The following SH3RF3 variants were observed in gnomAD, a reference collection of about 807,000 sequenced individuals.
SH3RF3 encodes E3 ubiquitin-protein ligase SH3RF3.
In SH3RF3, 29 loss-of-function variants were observed where a neutral mutation model predicts 66.3. The ratio of observed to expected loss-of-function variants is 0.44; its 90% CI spans 0.33 to 0.60. The LOEUF (loss-of-function observed/expected upper bound fraction) is 0.60, where lower values mean the gene tolerates loss of function less well. Among genes scored for constraint, SH3RF3 ranks in the 20% least tolerant of loss-of-function variants. The probability of loss-of-function intolerance (pLI) is 0.04; values close to 1 mark genes in which losing one functional copy is unlikely to be tolerated. For missense variants in SH3RF3, 1,194 were observed against 1,190.9 expected (o/e 1.00, Z -0.04); for synonymous variants, 583 against 532.0 (o/e 1.10, Z -1.32).
rs537470173 is a variant in SH3RF3, at chr2:109,209,264, C to G, written c.573+79151C>G. On this transcript the variant is annotated intron_variant, in intron 1 of 9. Coordinates refer to ENST00000309415, the MANE Select transcript of SH3RF3 (RefSeq NM_001099289.3). ...AGGAAAACTGAGAGGTCATCACATT[C>G]AGAGATTCCCTTGTGCCAGGTCCTG... 1.1e-4 allele frequency among the ~76,000 whole-genome samples: 16 copies of G among 152,284 alleles called. No individual in the cohort carries two copies. In the East Asian group the frequency reaches 2.7e-3, roughly 26 times the overall value.
At chr2:109,247,978 ATTG>A (rs1679958117) in intron 1 of SH3RF3, among the ~76,000 whole-genome samples, 1 of 152,102 alleles carries the variant, frequency 6.6e-6, no homozygotes, top group Non-Finnish European at 1.5e-5. Flanking sequence ...CTGCATCATA[ATTG>A]TTGTTGTCTC....
intron 1 of SH3RF3, among the ~76,000 whole-genome samples, chr2:109,328,626 C>T (rs977692814): frequency 1.2e-4 from 18 of 152,142 alleles, no homozygotes; most frequent in Non-Finnish European, 2.5e-4. Context: ...ATCCAGGATG[C>T]CTAGGTCATG....
Position 109,129,333 on chromosome 2 carries a change from TCCCCGCCACGCAGGCC to T in SH3RF3, c.-207_-192del, listed in dbSNP as rs1676618754. 11 of 1,306 alleles carry T rather than the reference TCCCCGCCACGCAGGCC, an allele frequency of 8.4e-3. No individual in the cohort carries two copies. In the Non-Finnish European group the frequency reaches 0.2, roughly 24 times the overall value. 0.1% of individuals were successfully genotyped at this position (1,306 alleles called of 1,614,324 possible). On this transcript the variant is annotated 5_prime_UTR_variant, in exon 1 of 10. Transcript: ENST00000309415. ...GGACTGGGCGGGCTCGGCTGGCCGG[TCCCCGCCACGCAGGCC>T]GGTCCCCGCCACGCAGGCCGGTCGG...
intron 1 of SH3RF3, among the ~76,000 whole-genome samples, chr2:109,267,714 C>G (rs1233964262): frequency 6.6e-6 from 1 of 152,212 alleles, no homozygotes; most frequent in Non-Finnish European, 1.5e-5. Flanking sequence ...TTTTACTCTC[C>G]CTTCCCTGTT....
intron 1 of SH3RF3, among the ~76,000 whole-genome samples, chr2:109,262,413 T>C (rs1305342666): frequency 1.3e-5 from 2 of 152,156 alleles, no homozygotes; most frequent in African/African-American, 2.4e-5. Flanking sequence ...AACTCTGCTT[T>C]CGATGCCCTG....
chr2:109,463,538 C>T (rs1678262147), intron 8 of SH3RF3, among the ~76,000 whole-genome samples: 1 of 152,194 alleles, frequency 6.6e-6, no homozygotes, highest in Non-Finnish European at 1.5e-5. Flanking sequence ...AAGGCGTGTC[C>T]TCTGGACCCT....
intron 2 of SH3RF3, among the ~76,000 whole-genome samples, chr2:109,365,384 C>T (rs1285375302): frequency 4.6e-5 from 7 of 152,208 alleles, no homozygotes; most frequent in African/African-American, 9.7e-5. Flanking sequence ...CTGCTTCCCA[C>T]GGAGGCTGCT....
intron 4 of SH3RF3, among the ~76,000 whole-genome samples, chr2:109,418,980 C>G (rs1379256821): frequency 1.2e-4 from 18 of 152,130 alleles, no homozygotes; most frequent in Admixed American, 1.2e-3. Flanking sequence ...CTGATGCTGA[C>G]CGTTCCTCGG....
chr2:109,473,542 G>A (rs1678584450), intron 8 of SH3RF3, among the ~76,000 whole-genome samples: 1 of 152,208 alleles, frequency 6.6e-6, no homozygotes, highest in South Asian at 2.1e-4. Context: ...CGACAGAGAG[G>A]AGAGAGAAAT....
chr2:109,267,036 G>T (rs1680512865), intron 1 of SH3RF3, among the ~76,000 whole-genome samples: 1 of 152,150 alleles, frequency 6.6e-6, no homozygotes, highest in African/African-American at 2.4e-5. Context: ...GACAGAGGTG[G>T]ATAAAAGCAT....
chr2:109,424,416 G>A (rs1222327636), intron 5 of SH3RF3, among the ~76,000 whole-genome samples: 1 of 152,238 alleles, frequency 6.6e-6, no homozygotes, highest in Non-Finnish European at 1.5e-5. Flanking sequence ...TCAGAATGCA[G>A]CAGAAACACA....
chr2:109,492,819 T>C (rs1226684713), intron 9 of SH3RF3, among the ~76,000 whole-genome samples: 2 of 152,048 alleles, frequency 1.3e-5, no homozygotes, highest in Non-Finnish European at 2.9e-5. Context: ...TATCAGCTTG[T>C]GGACATCGTG....
chr2:109,408,432 C>T (rs372523271), intron 4 of SH3RF3, among the ~76,000 whole-genome samples: 1 of 152,214 alleles, frequency 6.6e-6, no homozygotes, highest in Non-Finnish European at 1.5e-5. Context: ...TCTGCCCTCC[C>T]GCTCCAGGCT....
intron 4 of SH3RF3, among the ~76,000 whole-genome samples, chr2:109,416,314 G>C (rs1430508777): frequency 1.3e-5 from 2 of 152,018 alleles, no homozygotes; most frequent in Non-Finnish European, 2.9e-5. Flanking sequence ...ACATGTCCAG[G>C]CTGGGTGCAG....
At chr2:109,296,207 C>A (rs1559007730) in intron 1 of SH3RF3, among the ~76,000 whole-genome samples, 1 of 151,610 alleles carries the variant, frequency 6.6e-6, no homozygotes, top group South Asian at 2.1e-4. Flanking sequence ...GGCTTCCACT[C>A]TAAACAGAAT....
chr2:109,479,342 C>T (rs1235650216), intron 8 of SH3RF3, among the ~76,000 whole-genome samples: 2 of 152,152 alleles, frequency 1.3e-5, no homozygotes, highest in Non-Finnish European at 2.9e-5. Context: ...AGTAGAGACA[C>T]AGTGTTGTGG....
At chr2:109,259,564 AT>A (rs1202919408) in intron 1 of SH3RF3, among the ~76,000 whole-genome samples, 2 of 151,988 alleles carry the variant, frequency 1.3e-5, no homozygotes, top group Non-Finnish European at 2.9e-5. Context: ...TTGTTTTGTT[AT>A]TTTCTTCCAC....
intron 1 of SH3RF3, among the ~76,000 whole-genome samples, chr2:109,131,968 C>A (rs1334155273): frequency 6.6e-6 from 1 of 152,186 alleles, no homozygotes; most frequent in Non-Finnish European, 1.5e-5. Flanking sequence ...CCAGCACATG[C>A]TTCGGGAGTG....
At chr2:109,317,459 C>G (rs58695387) in intron 1 of SH3RF3, among the ~76,000 whole-genome samples, 4 of 151,802 alleles carry the variant, frequency 2.6e-5, no homozygotes, top group African/African-American at 7.3e-5. Flanking sequence ...CCCAGCCCCC[C>G]ACCCTGCTCT....
Sources: allele counts gnomAD v4.1 joint callset (sites outside exome capture counted in the v4.1 genomes callset), GRCh38; gene constraint gnomAD v4.1.1; transcripts MANE v1.5; gene names NCBI Gene and HGNC (gene_info 2026-07-23, HGNC 2026-07-21).